The following CCNB3 variants were observed in gnomAD, a reference collection of about 807,000 sequenced individuals.
CCNB3 encodes G2/mitotic-specific cyclin-B3.
Under a neutral mutation model 68.0 loss-of-function variants are expected in CCNB3, and 12 were observed. The observed-to-expected ratio is 0.18, with a 90% CI of 0.11 to 0.29. The LOEUF is 0.29. Ranked by LOEUF, CCNB3 falls within the 10% of genes least tolerant of loss-of-function variation. The probability of loss-of-function intolerance (pLI) is 1.00; values close to 1 mark genes in which losing one functional copy is unlikely to be tolerated. For synonymous variants in CCNB3, 354 were observed against 388.9 expected (o/e 0.91, Z 1.06); for missense variants, 904 against 993.1 (o/e 0.91, Z 1.21).
At chrX:50,307,530 A>G (rs1557213714) in intron 5 of CCNB3, among the ~76,000 whole-genome samples, 1 of 111,199 alleles carries the variant, frequency 9.0e-6, no homozygotes, top group Non-Finnish European at 1.9e-5. Context: ...AACCTTTTGA[A>G]GCACTTTTTT....
intron 1 of CCNB3, among the ~76,000 whole-genome samples, chrX:50,224,322 G>A (rs1935720779): frequency 9.0e-6 from 1 of 110,816 alleles, no homozygotes. Context: ...GGTATAGGGA[G>A]GAGAAAGGAG....
At chrX:50,315,505 G>A (rs1415059870) in intron 8 of CCNB3, among the ~76,000 whole-genome samples, 2 of 111,220 alleles carry the variant, frequency 1.8e-5, no homozygotes, top group East Asian at 2.8e-4. Flanking sequence ...AGTTTATCCC[G>A]AAGATGACAT....
intron 3 of CCNB3, among the ~76,000 whole-genome samples, chrX:50,286,733 T>G (rs1299884601): frequency 1.9e-5 from 2 of 107,416 alleles, no homozygotes. Flanking sequence ...CACTGCAACC[T>G]CTGCCTCCCA....
chrX:50,279,173 AT>A (rs1168997249), intron 1 of CCNB3, among the ~76,000 whole-genome samples: 1 of 26 alleles, frequency 0.038, no homozygotes, highest in Non-Finnish European at 0.1. Context: ...CTATATATAT[AT>A]GAATATAATA....
chrX:50,328,884 A>G (rs1040884797), intron 8 of CCNB3, among the ~76,000 whole-genome samples: 4 of 112,649 alleles, frequency 3.6e-5, no homozygotes, highest in Admixed American at 9.3e-5. Flanking sequence ...AGGCCCCCAC[A>G]TAAGTCTGAA....
intron 3 of CCNB3, 75 bp from the exon 4 acceptor site, chrX:50,288,705 C>T: frequency 4.3e-6 from 3 of 697,026 alleles, no homozygotes; most frequent in Non-Finnish European, 6.7e-6. Flanking sequence ...TCCCCTGAGC[C>T]CTAAAGAGGA....
chrX:50,323,155 A>C (rs1322410789), intron 8 of CCNB3, among the ~76,000 whole-genome samples: 125 of 111,648 alleles, frequency 1.1e-3, no homozygotes, highest in African/African-American at 3.9e-3. Context: ...ATTAGCAAAG[A>C]CTTGGAACCA....
intron 5 of CCNB3, among the ~76,000 whole-genome samples, chrX:50,297,719 G>A (rs1602210640): frequency 1.8e-5 from 2 of 111,482 alleles, no homozygotes; most frequent in South Asian, 7.6e-4. Flanking sequence ...AATTACCTTG[G>A]ACAGTATGGC....
intron 4 of CCNB3, among the ~76,000 whole-genome samples, chrX:50,290,388 C>T (rs1557209961): frequency 2.7e-5 from 3 of 111,529 alleles, no homozygotes; most frequent in African/African-American, 9.8e-5. Context: ...AAGAGGCAAA[C>T]AAGCTTCCTC....
chrX:50,297,190 A>C (rs1408526730), intron 5 of CCNB3, among the ~76,000 whole-genome samples: 1 of 111,941 alleles, frequency 8.9e-6, no homozygotes. Context: ...TGTTTTAGAC[A>C]TGAAATCCTT....
chrX:50,280,267 A>G (rs1377934719), intron 1 of CCNB3, among the ~76,000 whole-genome samples: 1 of 96,677 alleles, frequency 1.0e-5, no homozygotes, highest in Non-Finnish European at 2.0e-5. Flanking sequence ...TATATAGAAT[A>G]TAGATATAAA....
chrX:50,302,689 T>G (rs1936675749), intron 5 of CCNB3, among the ~76,000 whole-genome samples: 1 of 111,897 alleles, frequency 8.9e-6, no homozygotes, highest in Non-Finnish European at 1.9e-5. Context: ...ATTCTGGATG[T>G]TTCATATAAA....
intron 1 of CCNB3, among the ~76,000 whole-genome samples, chrX:50,228,106 A>G (rs1204098117): frequency 1.1e-4 from 10 of 89,216 alleles, no homozygotes; most frequent in African/African-American, 3.7e-4. Flanking sequence ...TAATATATAG[A>G]GAATATATAA....
At chrX:50,228,483 T>A (rs1367894180) in intron 1 of CCNB3, among the ~76,000 whole-genome samples, 7 of 91,282 alleles carry the variant, frequency 7.7e-5, no homozygotes, top group African/African-American at 2.7e-4. Context: ...ATATAGAATA[T>A]GTATAGAGGA....
chrX:50,279,578 A>T (rs1224632600), intron 1 of CCNB3, among the ~76,000 whole-genome samples: 1 of 87,644 alleles, frequency 1.1e-5, no homozygotes, highest in Non-Finnish European at 2.1e-5. Flanking sequence ...TTTTCTATAT[A>T]TAAATATATA....
chrX:50,226,454 A>G (rs1299389374), intron 1 of CCNB3, among the ~76,000 whole-genome samples: 2 of 65,612 alleles, frequency 3.0e-5, no homozygotes, highest in Admixed American at 2.3e-4. Context: ...TAGAATATAT[A>G]TAAATATATA....
intron 3 of CCNB3, among the ~76,000 whole-genome samples, chrX:50,286,794 C>T (rs1936247208): frequency 9.0e-6 from 1 of 111,312 alleles, no homozygotes; most frequent in African/African-American, 3.3e-5. Flanking sequence ...GGACTACAGG[C>T]ATGCGCCACC....
intron 8 of CCNB3, among the ~76,000 whole-genome samples, chrX:50,321,738 T>C (rs782124803): frequency 1.3e-4 from 14 of 111,418 alleles, no homozygotes; most frequent in Non-Finnish European, 5.7e-5. Context: ...TACTCATCTT[T>C]TATAAAATAT....
rs2147061057 is a variant in CCNB3, at chrX:50,309,659, C to T, written c.1490C>T (p.Thr497Ile). Residue 497 changes from threonine to isoleucine, a missense_variant, in exon 6 of 13, where the codon ACT (threonine) becomes ATT (isoleucine). By Grantham distance (89) the Thr-to-Ile change is moderately conservative. Transcript: ENST00000376042. ...KPLILKRKHA[T>I]QGTMSHLKKP... ...TTAATTTTAAAGAGGAAGCATGCCA[C>T]TCAGGGGACAATGTCCCACTTGAAG... The T allele has an allele frequency of 8.3e-7, 1 of 1,210,930 alleles. No homozygotes were observed. The highest frequency in any genetic ancestry group is 3.0e-5 in the East Asian group (1 of 33,818).
Sources: allele counts gnomAD v4.1 joint callset (sites outside exome capture counted in the v4.1 genomes callset), GRCh38; gene constraint gnomAD v4.1.1; transcripts MANE v1.5; gene names NCBI Gene and HGNC (gene_info 2026-07-23, HGNC 2026-07-21).